The following EDIL3 variants were observed in gnomAD, a reference collection of about 807,000 sequenced individuals.
The protein encoded by EDIL3 is EGF like and discoidin domains 3, also known as EGF-like repeat and discoidin I-like domain-containing protein 3.
Under a neutral mutation model 67.4 loss-of-function variants are expected in EDIL3, and 37 were observed. The ratio of observed to expected loss-of-function variants is 0.55; its 90% CI spans 0.42 to 0.72. The LOEUF (loss-of-function observed/expected upper bound fraction) is 0.72, where lower values mean the gene tolerates loss of function less well. Among genes scored for constraint, EDIL3 ranks in the 30% least tolerant of loss-of-function variants. EDIL3 has a pLI of 0.00. For synonymous variants in EDIL3, 195 were observed against 196.3 expected (o/e 0.99, Z 0.05); for missense variants, 527 against 586.3 (o/e 0.90, Z 1.04).
Position 84,169,359 on chromosome 5 carries a change from A to G in EDIL3, c.355+11034T>C, listed in dbSNP as rs888049146. 1.8e-4 allele frequency among the ~76,000 whole-genome samples: 28 copies of G among 152,100 alleles called. 1 individual carries two copies. Among genetic ancestry groups the G allele is most frequent in the Admixed American group, 1.6e-3 (24 of 15,252 alleles). ...GTATAAAAACAGAACCAAAATATTG[A>G]CATTACTATGATAGTCCAATCTTAT... is the stretch of plus-strand genomic sequence containing the variant. On this transcript the variant is annotated intron_variant, in intron 4 of 10. Coordinates refer to ENST00000296591, the MANE Select transcript of EDIL3 (RefSeq NM_005711.5).
At chr5:84,241,810 T>C (rs1370581714) in intron 2 of EDIL3, among the ~76,000 whole-genome samples, 2 of 152,040 alleles carry the variant, frequency 1.3e-5, no homozygotes, top group East Asian at 3.9e-4. Context: ...TTTCTGCATG[T>C]AGCTTTAAAA....
intron 5 of EDIL3, among the ~76,000 whole-genome samples, chr5:84,116,387 T>C (rs1272426049): frequency 1.3e-5 from 2 of 152,130 alleles, no homozygotes; most frequent in African/African-American, 4.8e-5. Context: ...TATTATGCAT[T>C]TACTTTTAAA....
chr5:84,221,204 G>T (rs1341594632), intron 3 of EDIL3, among the ~76,000 whole-genome samples: 1 of 152,058 alleles, frequency 6.6e-6, no homozygotes, highest in Non-Finnish European at 1.5e-5. Context: ...TACCATGAGA[G>T]ATTAAAATTT....
intron 3 of EDIL3, among the ~76,000 whole-genome samples, chr5:84,207,919 C>A (rs1186643821): frequency 6.6e-6 from 1 of 152,130 alleles, no homozygotes; most frequent in African/African-American, 2.4e-5. Context: ...AACACTTAAA[C>A]GTTAGACCTA....
intron 9 of EDIL3, among the ~76,000 whole-genome samples, chr5:84,055,624 C>T (rs546784118): frequency 3.3e-5 from 5 of 152,128 alleles, no homozygotes; most frequent in African/African-American, 9.6e-5. Context: ...AAAAAACAAA[C>T]AACCCCATCA....
intron 3 of EDIL3, among the ~76,000 whole-genome samples, chr5:84,219,236 T>G (rs939185001): frequency 6.6e-5 from 10 of 152,072 alleles, no homozygotes; most frequent in African/African-American, 2.4e-4. Flanking sequence ...TCCAAGACCA[T>G]ACAAGTCAAT....
chr5:84,383,007 T>C (rs1017912821), intron 1 of EDIL3, among the ~76,000 whole-genome samples: 3 of 152,208 alleles, frequency 2.0e-5, no homozygotes, highest in Non-Finnish European at 4.4e-5. Context: ...TTCTTGTGAC[T>C]CAAATAGATG....
intron 4 of EDIL3, among the ~76,000 whole-genome samples, chr5:84,169,524 C>G (rs755984381): frequency 6.6e-6 from 1 of 151,706 alleles, no homozygotes; most frequent in African/African-American, 2.4e-5. Flanking sequence ...CTCATGTTGC[C>G]CTTTTATAAC....
intron 3 of EDIL3, among the ~76,000 whole-genome samples, chr5:84,218,798 C>T (rs1369831492): frequency 6.6e-6 from 1 of 152,052 alleles, no homozygotes; most frequent in Non-Finnish European, 1.5e-5. Context: ...GAGCCTGGGG[C>T]AGTGGTGGCC....
At chr5:84,059,369 CTCT>C (rs1273364851) in intron 9 of EDIL3, among the ~76,000 whole-genome samples, 1 of 152,166 alleles carries the variant, frequency 6.6e-6, no homozygotes, top group East Asian at 1.9e-4. Context: ...CACTACTGCT[CTCT>C]AGCCTGGGCA....
intron 4 of EDIL3, among the ~76,000 whole-genome samples, chr5:84,176,051 T>C (rs2112353055): frequency 6.6e-6 from 1 of 151,466 alleles, no homozygotes; most frequent in African/African-American, 2.4e-5. Flanking sequence ...CCCCAATAAA[T>C]ATTGGTTAAA....
intron 1 of EDIL3, among the ~76,000 whole-genome samples, chr5:84,340,002 T>C (rs1747068544): frequency 6.6e-6 from 1 of 152,082 alleles, no homozygotes; most frequent in South Asian, 2.1e-4. Context: ...GAAGAAACTA[T>C]TCTTCAATAG....
At chr5:84,310,115 C>T (rs1417655489) in intron 1 of EDIL3, among the ~76,000 whole-genome samples, 2 of 152,106 alleles carry the variant, frequency 1.3e-5, no homozygotes, top group African/African-American at 4.8e-5. Context: ...GACAAAGCTA[C>T]CACACATCTT....
Position 84,121,538 on chromosome 5 carries a change from G to GATCGATCGATCT in EDIL3, c.470-14709_470-14708insAGATCGATCGAT, listed in dbSNP as rs761445154. Among the ~76,000 whole-genome samples, 544 of 129,892 alleles carry GATCGATCGATCT rather than the reference G, an allele frequency of 4.2e-3. 2 individuals are homozygous for GATCGATCGATCT. Among genetic ancestry groups the GATCGATCGATCT allele is most frequent in the African/African-American group, 0.014 (523 of 37,092 alleles). The allele number at this position is 129,892 out of a possible 152,430, so 85.2% of individuals were successfully genotyped here. ...TCTGACCAGTTCACTAACTTAGATC[G>GATCGATCGATCT]ATCTATCTATCTATCTATCTATCTA... On this transcript the variant is annotated intron_variant, in intron 5 of 10. Transcript: ENST00000296591.
intron 1 of EDIL3, among the ~76,000 whole-genome samples, chr5:84,373,735 T>C (rs1358340293): frequency 1.3e-5 from 2 of 150,840 alleles, no homozygotes; most frequent in East Asian, 3.9e-4. Flanking sequence ...GGATTAGAAA[T>C]TAGAGTAGTG....
chr5:84,294,109 T>G (rs1208453229), intron 1 of EDIL3, among the ~76,000 whole-genome samples: 1 of 150,834 alleles, frequency 6.6e-6, no homozygotes, highest in Non-Finnish European at 1.5e-5. Flanking sequence ...ATCGGCCGGG[T>G]GCGGTGGCTC....
rs1286198529 is a variant in EDIL3 at position 84,106,632 on chromosome 5, C to T, written c.651+17G>A. On this transcript the variant is annotated intron_variant, in intron 6 of 10. Transcript: ENST00000296591. ...AAATGACTTATAACATTAACCTTGT[C>T]CCATCCCATCTGTTACCTGAATCCA... 15 of 1,585,386 alleles carry T rather than the reference C, an allele frequency of 9.5e-6. No individual in the cohort carries two copies. Among genetic ancestry groups the T allele is most frequent in the Middle Eastern group, 1.7e-4 (1 of 5,874 alleles).
rs542435402 is a variant in EDIL3 at position 84,357,830 on chromosome 5, G to A, written c.67+26478C>T. Among the ~76,000 whole-genome samples the A allele has an allele frequency of 3.5e-5, 5 of 143,150 alleles. No homozygotes were observed. The Admixed American group carries it at 3.6e-4, about 10-fold the overall frequency. 93.9% of individuals were successfully genotyped at this position (143,150 alleles called of 152,430 possible). A position where few individuals can be genotyped will look rare whatever the true frequency, so the allele number is the denominator to read the frequency against. Reference sequence around the variant, plus strand: ...TTGAACCCAGGAGACAGAGGTTGCTGTAAGCTGAGATTGTGCCACTGCACT... The same window carrying A: ...TTGAACCCAGGAGACAGAGGTTGCTATAAGCTGAGATTGTGCCACTGCACT... On this transcript the variant is annotated intron_variant, in intron 1 of 10. Transcript: ENST00000296591.
intron 4 of EDIL3, among the ~76,000 whole-genome samples, chr5:84,157,819 T>TA (rs917263888): frequency 5.3e-5 from 8 of 151,954 alleles, no homozygotes; most frequent in Non-Finnish European, 1.0e-4. Flanking sequence ...TAGTATGAAT[T>TA]AAAAAAATAA....
Sources: allele counts gnomAD v4.1 joint callset (sites outside exome capture counted in the v4.1 genomes callset), GRCh38; gene constraint gnomAD v4.1.1; transcripts MANE v1.5; gene names NCBI Gene and HGNC (gene_info 2026-07-23, HGNC 2026-07-21).